SMARCA1: variants seen among roughly 807,000 people sequenced by gnomAD.
The protein encoded by SMARCA1 is SNF2 related chromatin remodeling ATPase 1, also known as SWI/SNF-related matrix-associated actin-dependent regulator of chromatin subfamily A member 1.
A neutral mutation model predicts 93.6 loss-of-function variants in SMARCA1; 17 were observed. That is an observed-to-expected ratio of 0.18 (90% CI 0.12 to 0.27). SMARCA1 has a LOEUF of 0.27. Among genes scored for constraint, SMARCA1 ranks in the 10% least tolerant of loss-of-function variants. SMARCA1 has a pLI of 1.00. For missense variants in SMARCA1, 630 were observed against 819.0 expected (o/e 0.77, Z 2.82); for synonymous variants, 271 against 271.4 (o/e 1.00, Z 0.01).
rs1438927415 is a variant in SMARCA1, at chrX:129,523,318, G to A, written c.53C>T (p.Thr18Ile). ...GTCCTCTATGACCACGATAGTGGCG[G>A]TCGCATCCGCGGCTGCCACGGTGGC... ...VAATVAAADA[T>I]ATIVVIEDEQ... is the part of the protein sequence containing the mutation. The change falls in exon 1 of 25, where the codon ACC becomes ATC. Residue 18 changes from threonine to isoleucine, a missense_variant. Transcript: ENST00000371121. 4.2e-6 allele frequency: 5 copies of A among 1,203,534 alleles called. No homozygotes were observed. The Admixed American group carries it at 8.7e-5, about 21-fold the overall frequency.
Position 129,511,781 on chromosome X carries a change from T to C in SMARCA1, c.810+23A>G, listed in dbSNP as rs1036057067. On this transcript the variant is annotated intron_variant, in intron 6 of 24. Coordinates refer to ENST00000371121, the MANE Select transcript of SMARCA1 (RefSeq NM_001282874.2). ...GAAATGATATTATTCTTAACTGCCT[T>C]TTTACACTTGTTTCTCACTTACTCT... The C allele has an allele frequency of 1.3e-5, 15 of 1,150,352 alleles. No individual in the cohort carries two copies. In the East Asian group the frequency reaches 4.2e-4, roughly 32 times the overall value. The allele number at this position is 1,150,352 out of a possible 1,213,427, so 94.8% of individuals were successfully genotyped here.
At chrX:129,514,173 T>C (rs1935110801) in intron 5 of SMARCA1, among the ~76,000 whole-genome samples, 1 of 111,753 alleles carries the variant, frequency 8.9e-6, no homozygotes, top group Admixed American at 9.4e-5. Flanking sequence ...AAAAATTAGC[T>C]GGGCGCGGTG....
chrX:129,499,471 G>C (rs995634418), intron 10 of SMARCA1, among the ~76,000 whole-genome samples: 4 of 111,809 alleles, frequency 3.6e-5, no homozygotes, highest in Non-Finnish European at 5.6e-5. Flanking sequence ...TTTAGGCTAT[G>C]TAACTTGCCC....
At chrX:129,520,311 A>C (rs752738286) in intron 1 of SMARCA1, among the ~76,000 whole-genome samples, 4 of 110,975 alleles carry the variant, frequency 3.6e-5, no homozygotes, top group African/African-American at 1.3e-4. Flanking sequence ...GCTTGTTTTA[A>C]AGACCATGAC....
chrX:129,456,259 T>G (rs1442643908), intron 23 of SMARCA1, among the ~76,000 whole-genome samples: 1 of 111,654 alleles, frequency 9.0e-6, no homozygotes, highest in African/African-American at 3.3e-5. Flanking sequence ...TATTTATACT[T>G]TAAGCCCATG....
chrX:129,471,210 G>A lies in SMARCA1; in HGVS notation c.2559C>T (p.Leu853=), dbSNP rs149679434. The A allele has an allele frequency of 1.4e-5, 17 of 1,187,219 alleles. No individual in the cohort carries two copies. Among genetic ancestry groups the A allele is most frequent in the African/African-American group, 7.2e-5 (4 of 55,942 alleles). ...PEETEEKEKL[L]TQGFTNWTKR... is the part of the protein sequence containing the mutation. Reference sequence around the variant, plus strand: ...GCCATTGAAAATATTTTACTTGTGTGAGAAGTTTTTCCTTTTCTTCAGTCT... The same window carrying A: ...GCCATTGAAAATATTTTACTTGTGTAAGAAGTTTTTCCTTTTCTTCAGTCT... Residue 853 remains leucine, a synonymous_variant, in exon 20 of 25, where the codon CTC becomes CTT. Transcript: ENST00000371121.
rs1170970454 is a variant in SMARCA1, at chrX:129,450,908, A to T, written c.3031-2465T>A. On this transcript the variant is annotated intron_variant, in intron 23 of 24. Coordinates refer to ENST00000371121, the MANE Select transcript of SMARCA1 (RefSeq NM_001282874.2). ...TATCTTTCCAAATAAAATCCAAAAA[A>T]AATGGCATACAACATAGGAAATGTA... Among the ~76,000 whole-genome samples, 3 of 111,706 alleles carry T rather than the reference A, an allele frequency of 2.7e-5. No individual in the cohort carries two copies. In the Admixed American group the frequency reaches 2.9e-4, roughly 11 times the overall value.
intron 7 of SMARCA1, among the ~76,000 whole-genome samples, chrX:129,507,176 C>T (rs1253001787): frequency 3.6e-5 from 4 of 111,363 alleles, no homozygotes; most frequent in African/African-American, 1.3e-4. Context: ...CCAAATTAGC[C>T]CAGTGATCCA....
chrX:129,479,924 C>T (rs1458191646), intron 19 of SMARCA1, among the ~76,000 whole-genome samples: 2 of 111,398 alleles, frequency 1.8e-5, no homozygotes, highest in Non-Finnish European at 3.8e-5. Context: ...TCTCATACTC[C>T]TGACCTCAAC....
At chrX:129,492,449 T>C (rs2033038197) in intron 13 of SMARCA1, among the ~76,000 whole-genome samples, 1 of 111,753 alleles carries the variant, frequency 8.9e-6, no homozygotes, top group Non-Finnish European at 1.9e-5. Flanking sequence ...TGAAAACGTT[T>C]TGAGTGAGAG....
intron 19 of SMARCA1, among the ~76,000 whole-genome samples, chrX:129,474,287 C>T (rs1185437044): frequency 9.0e-6 from 1 of 111,558 alleles, no homozygotes; most frequent in African/African-American, 3.3e-5. Flanking sequence ...TGTGAAATTA[C>T]TTTGGTTTCA....
intron 17 of SMARCA1, among the ~76,000 whole-genome samples, chrX:129,482,351 A>G (rs767933267): frequency 9.9e-4 from 110 of 111,603 alleles, no homozygotes; most frequent in Middle Eastern, 4.6e-3. Context: ...TTTAAAAAAG[A>G]AGAAAAAAAA....
intron 21 of SMARCA1, 125 bp downstream of exon 21, chrX:129,468,648 T>C: frequency 2.3e-6 from 1 of 437,032 alleles, no homozygotes; most frequent in Non-Finnish European, 3.9e-6. Flanking sequence ...AATTATAGTT[T>C]ATACTCTCAT....
At chrX:129,452,563 T>A (rs1294664993) in intron 23 of SMARCA1, among the ~76,000 whole-genome samples, 1 of 112,530 alleles carries the variant, frequency 8.9e-6, no homozygotes. Flanking sequence ...TCTCAGAGCT[T>A]TTAGCATTCT....
rs192778902 is a variant in SMARCA1, at chrX:129,448,204, C to A, written c.3141+129G>T. On this transcript the variant is annotated intron_variant, in intron 24 of 24. Transcript: ENST00000371121. ...GAAGCAATTCTTCTTCTGTCCAAAA[C>A]AAATTAGCATTTCATAAAACCAGCT... The A allele has an allele frequency of 2.9e-4, 183 of 641,656 alleles. No homozygotes were observed. The African/African-American group carries it at 3.2e-3, about 11-fold the overall frequency. 52.9% of individuals were successfully genotyped at this position (641,656 alleles called of 1,213,427 possible).
At chrX:129,480,256 C>A (rs754652859) in intron 19 of SMARCA1, among the ~76,000 whole-genome samples, 1 of 112,026 alleles carries the variant, frequency 8.9e-6, no homozygotes, top group African/African-American at 3.2e-5. Context: ...TCTTTAACAC[C>A]TAAGTGACTA....
chrX:129,468,777 A>C lies in SMARCA1; in HGVS notation c.2694T>G (p.Tyr898Ter). 1 of 1,174,595 alleles carries C rather than the reference A, an allele frequency of 8.5e-7. No individual in the cohort carries two copies. The highest frequency in any genetic ancestry group is 1.1e-6 in the Non-Finnish European group (1 of 870,812). ...TGTTTCAAATTATATACAAACCTGA[A>C]TACTCCATGACCTCCTCAGGGGATT... is the stretch of plus-strand genomic sequence containing the variant. ...EGKSPEEVME[Y>*]SAVFWERCNE... The change falls in exon 21 of 25, where the codon TAT becomes TAG. Residue 898 changes from tyrosine (Y) to a stop codon, truncating the protein, a stop_gained. Coordinates refer to ENST00000371121, the MANE Select transcript of SMARCA1 (RefSeq NM_001282874.2). LOFTEE classifies it high-confidence loss of function.
At chrX:129,492,328 G>A (rs1287293343) in intron 13 of SMARCA1, among the ~76,000 whole-genome samples, 6 of 111,524 alleles carry the variant, frequency 5.4e-5, no homozygotes, top group Non-Finnish European at 1.1e-4. Flanking sequence ...TATAAATGAA[G>A]TTCCTAATCT....
chrX:129,454,754 G>A (rs750068473), intron 23 of SMARCA1, among the ~76,000 whole-genome samples: 14 of 111,371 alleles, frequency 1.3e-4, no homozygotes, highest in South Asian at 3.8e-4. Context: ...CCATTAACTC[G>A]TCATTTACAT....
Sources: gnomAD v4.1 joint callset for allele counts (sites outside exome capture counted in the v4.1 genomes callset) on GRCh38, gnomAD v4.1.1 for gene constraint, MANE v1.5 for transcripts, NCBI Gene and HGNC (gene_info 2026-07-23, HGNC 2026-07-21) for gene names.